The following SLC71A1 variants were observed in gnomAD, a reference collection of about 807,000 sequenced individuals.
SLC71A1 encodes hippocampus abundant gene transcript 1.
At chr1:100,067,424 C>CT in the SLC71A1 span, among the ~76,000 whole-genome samples, 1 of 151,924 alleles carries the variant, frequency 6.6e-6, no homozygotes, top group African/African-American at 2.4e-5. Context: ...TTTCTTTTTT[C>CT]TTTTTTGATA....
At chr1:100,080,525 C>G in the SLC71A1 span, 1 of 1,613,226 alleles carries the variant, frequency 6.2e-7, no homozygotes, top group Non-Finnish European at 8.5e-7. Context: ...AACAGGAATT[C>G]GAGGATTATG....
At chr1:100,052,485 G>T in the SLC71A1 span, among the ~76,000 whole-genome samples, 6 of 140,990 alleles carry the variant, frequency 4.3e-5, no homozygotes, top group Non-Finnish European at 7.5e-5. Flanking sequence ...AGGCTGGAGT[G>T]CAGAGGCACG....
chr1:100,059,144 G>GTGTTTTTTTTTTTTTTTTTTTTTTT, the SLC71A1 span, among the ~76,000 whole-genome samples: 1 of 75,416 alleles, frequency 1.3e-5, no homozygotes, highest in Non-Finnish European at 2.5e-5. Context: ...TCTTTTTCGT[G>GTGTTTTTTTTTTTTTTTTTTTTTTT]TTTTTTTTTT....
chr1:100,059,575 A>G, the SLC71A1 span, among the ~76,000 whole-genome samples: 126 of 151,670 alleles, frequency 8.3e-4, no homozygotes, highest in African/African-American at 2.8e-3. Flanking sequence ...ACACACATAC[A>G]TATACACACA....
At chr1:100,046,736 T>A in the SLC71A1 span, among the ~76,000 whole-genome samples, 3 of 152,186 alleles carry the variant, frequency 2.0e-5, no homozygotes, top group Non-Finnish European at 4.4e-5. Context: ...ATCTTCCCAT[T>A]TGTGTGTGTG....
At chr1:100,054,828 C>A in the SLC71A1 span, among the ~76,000 whole-genome samples, 1 of 152,072 alleles carries the variant, frequency 6.6e-6, no homozygotes, top group African/African-American at 2.4e-5. Flanking sequence ...TTACAACATT[C>A]GAATTACTTG....
the SLC71A1 span, chr1:100,081,931 A>G: frequency 2.7e-4 from 316 of 1,169,380 alleles, 1 homozygote; most frequent in Non-Finnish European, 2.8e-4. Context: ...AGTTAATACT[A>G]AAAGGTATGT....
the SLC71A1 span, among the ~76,000 whole-genome samples, chr1:100,066,847 G>A: frequency 6.6e-6 from 1 of 151,990 alleles, no homozygotes; most frequent in South Asian, 2.1e-4. Context: ...AAATTAGCCG[G>A]GCGAGGTGGC....
At chr1:100,076,005 C>T in the SLC71A1 span, among the ~76,000 whole-genome samples, 16 of 152,150 alleles carry the variant, frequency 1.1e-4, no homozygotes, top group Non-Finnish European at 2.4e-4. Context: ...TGAAGTTTTT[C>T]TCAGCTAACT....
chr1:100,049,747 C>G, the SLC71A1 span, among the ~76,000 whole-genome samples: 2 of 152,214 alleles, frequency 1.3e-5, no homozygotes, highest in African/African-American at 4.8e-5. Context: ...GTCTGTCCCT[C>G]TGACTTTGAA....
At chr1:100,081,242 A>C in the SLC71A1 span, among the ~76,000 whole-genome samples, 7 of 152,214 alleles carry the variant, frequency 4.6e-5, no homozygotes, top group Non-Finnish European at 8.8e-5. Flanking sequence ...GCTAAAACAA[A>C]GGTCTCTTTT....
the SLC71A1 span, among the ~76,000 whole-genome samples, chr1:100,074,573 CCATCT>C: frequency 1.3e-5 from 2 of 151,532 alleles, no homozygotes; most frequent in Non-Finnish European, 2.9e-5. Context: ...GAGCGAAACT[CCATCT>C]CGGGGGGAAA....
the SLC71A1 span, among the ~76,000 whole-genome samples, chr1:100,052,946 G>A: frequency 6.6e-6 from 1 of 151,752 alleles, no homozygotes; most frequent in African/African-American, 2.4e-5. Context: ...AACATACCAG[G>A]CTAATTTTTG....
At chr1:100,059,415 C>CA in the SLC71A1 span, among the ~76,000 whole-genome samples, 1 of 151,604 alleles carries the variant, frequency 6.6e-6, no homozygotes, top group South Asian at 2.1e-4. Context: ...CTCGACCTCC[C>CA]AAAGTGTTGA....
At chr1:100,074,334 G>C in the SLC71A1 span, among the ~76,000 whole-genome samples, 2 of 152,162 alleles carry the variant, frequency 1.3e-5, no homozygotes, top group Admixed American at 6.5e-5. Context: ...TAGCACTTTG[G>C]GAGGCCAAGG....
chr1:100,066,504 GT>G, the SLC71A1 span, among the ~76,000 whole-genome samples: 231 of 151,390 alleles, frequency 1.5e-3, no homozygotes, highest in African/African-American at 5.5e-3. Context: ...ACATTATGCA[GT>G]TTTTTTTTCT....
At chr1:100,054,206 T>C in the SLC71A1 span, among the ~76,000 whole-genome samples, 1 of 151,644 alleles carries the variant, frequency 6.6e-6, no homozygotes, top group Non-Finnish European at 1.5e-5. Context: ...CACGCCCAGC[T>C]AATTTTTTTT....
At chr1:100,080,748 G>T in the SLC71A1 span, 2 of 1,114,204 alleles carry the variant, frequency 1.8e-6, no homozygotes, top group Admixed American at 4.4e-5. Flanking sequence ...TTTTATGTGA[G>T]ATTCTATTTG....
At chr1:100,038,462 A>G in the SLC71A1 span, 1 of 690,268 alleles carries the variant, frequency 1.4e-6, no homozygotes, top group South Asian at 1.7e-5. Context: ...GGGGTCGCGG[A>G]CCCGCATGCC....
Sources: gnomAD v4.1 joint callset for allele counts (sites outside exome capture counted in the v4.1 genomes callset) on GRCh38, gnomAD v4.1.1 for gene constraint, MANE v1.5 for transcripts, NCBI Gene and HGNC (gene_info 2026-07-23, HGNC 2026-07-21) for gene names.